The following FRYL variants were observed in gnomAD, a reference collection of about 807,000 sequenced individuals.
The protein encoded by FRYL is protein furry homolog-like.
Under a neutral mutation model 351.2 loss-of-function variants are expected in FRYL, and 150 were observed. The ratio of observed to expected loss-of-function variants is 0.43; its 90% CI spans 0.37 to 0.49. FRYL has a LOEUF of 0.49. Ranked by LOEUF, FRYL falls within the 20% of genes least tolerant of loss-of-function variation. The pLI, the probability that FRYL is intolerant of heterozygous loss-of-function variation, is 0.00. For missense variants in FRYL, 3,036 were observed against 3,619.3 expected (o/e 0.84, Z 4.13); for synonymous variants, 1,153 against 1,257.1 (o/e 0.92, Z 1.75).
chr4:48,576,153 G>A lies in FRYL; in HGVS notation c.2598C>T (p.Asn866=). ...CTGCACTGCAGCAAAGGATCAGATA[G>A]TTTCTCCACAGGCCAATGTATGAGT... ...SSDSYIGLWR[N]YLILCCSAAT... is the part of the protein sequence containing the mutation. Residue 866 remains asparagine (N), a synonymous_variant, in exon 24 of 64, where the codon AAC becomes AAT. Transcript: ENST00000358350. 1 of 1,613,744 alleles carries A rather than the reference G, an allele frequency of 6.2e-7. No individual in the cohort carries two copies. Among genetic ancestry groups the A allele is most frequent in the Non-Finnish European group, 8.5e-7 (1 of 1,179,904 alleles).
At chr4:48,548,854 T>C in intron 39 of FRYL, 61 bp from the exon 40 acceptor site, 1 of 949,590 alleles carries the variant, frequency 1.1e-6, no homozygotes, top group East Asian at 2.5e-5. Context: ...AGAGAGAATT[T>C]GGTACAAAAT....
intron 40 of FRYL, among the ~76,000 whole-genome samples, chr4:48,548,474 G>A (rs1352111438): frequency 6.6e-6 from 1 of 152,072 alleles, no homozygotes; most frequent in Non-Finnish European, 1.5e-5. Context: ...CATAAGATAG[G>A]AATAGGAATG....
intron 26 of FRYL, chr4:48,572,037 C>T (rs1208086769): frequency 1.0e-6 from 1 of 966,736 alleles, no homozygotes. Context: ...CTATCATGAC[C>T]CTACAGTGCT....
chr4:48,602,850 C>T (rs540974026), intron 12 of FRYL, among the ~76,000 whole-genome samples: 2 of 152,284 alleles, frequency 1.3e-5, no homozygotes, highest in East Asian at 3.9e-4. Context: ...TTTAGATACA[C>T]AAATATTATT....
intron 60 of FRYL, among the ~76,000 whole-genome samples, chr4:48,504,861 A>G (rs1720565323): frequency 6.6e-6 from 1 of 152,098 alleles, no homozygotes; most frequent in Non-Finnish European, 1.5e-5. Flanking sequence ...TAACCTAATA[A>G]TAGTATAACC....
chr4:48,640,360 A>T (rs994527783), intron 3 of FRYL, among the ~76,000 whole-genome samples: 1 of 152,212 alleles, frequency 6.6e-6, no homozygotes, highest in African/African-American at 2.4e-5. Context: ...ATGTAAAGAC[A>T]TGAAGGAATC....
intron 3 of FRYL, among the ~76,000 whole-genome samples, chr4:48,671,873 C>CAAAAAAAAAA (rs71191252): frequency 5.6e-4 from 29 of 51,856 alleles, no homozygotes; most frequent in Admixed American, 1.3e-3. Flanking sequence ...AAAAAAAAAA[C>CAAAAAAAAAA]AAAAAAAAAA....
At chr4:48,765,037 G>T (rs1774807427) in intron 1 of FRYL, among the ~76,000 whole-genome samples, 1 of 152,144 alleles carries the variant, frequency 6.6e-6, no homozygotes, top group Non-Finnish European at 1.5e-5. Flanking sequence ...TAGAGACGGG[G>T]TTTCACCATG....
At chr4:48,764,962 A>C (rs577614334) in intron 1 of FRYL, among the ~76,000 whole-genome samples, 1 of 152,270 alleles carries the variant, frequency 6.6e-6, no homozygotes, top group Non-Finnish European at 1.5e-5. Flanking sequence ...CTCCTGCCTC[A>C]GCTTCCCAAG....
chr4:48,589,793 C>T lies in FRYL; in HGVS notation c.1592G>A (p.Cys531Tyr). The change falls in exon 18 of 64, where the codon TGT becomes TAT. Residue 531 changes from cysteine to tyrosine, a missense_variant. Around this residue, in one of 7 missense-constraint regions of FRYL, gnomAD observed 78 missense variants for 106.6 expected, o/e 0.73. Coordinates refer to ENST00000358350, the MANE Select transcript of FRYL (RefSeq NM_015030.2). The part of the protein sequence containing the change: ...HLDKEVGRPM[C>Y]MTSVQMSNKE... ...ATTAGACATCTGCACACTGGTCATACACATTGGTCTCCCAACTTCTTTGTC... is the reference window on the plus strand; with the variant it reads ...ATTAGACATCTGCACACTGGTCATATACATTGGTCTCCCAACTTCTTTGTC... 2 of 1,613,834 alleles carry T rather than the reference C, an allele frequency of 1.2e-6. No homozygotes were observed. Among genetic ancestry groups the T allele is most frequent in the Admixed American group, 1.7e-5 (1 of 60,028 alleles).
At chr4:48,563,218 G>A (rs1367418113) in intron 31 of FRYL, among the ~76,000 whole-genome samples, 1 of 151,348 alleles carries the variant, frequency 6.6e-6, no homozygotes, top group African/African-American at 2.4e-5. Context: ...GGCTTCCCTG[G>A]GCCATATCAG....
At chr4:48,605,857 T>C in intron 10 of FRYL, 24 bp from the exon 11 acceptor site, 1 of 1,298,344 alleles carries the variant, frequency 7.7e-7, no homozygotes, top group Non-Finnish European at 1.1e-6. Flanking sequence ...AGGTATATAC[T>C]TAGATTAACA....
intron 3 of FRYL, 110 bp from the exon 4 acceptor site, chr4:48,634,600 C>A: frequency 1.5e-6 from 1 of 669,820 alleles, no homozygotes; most frequent in Non-Finnish European, 2.5e-6. Context: ...ACCAGTTCTC[C>A]CAATCTCCTC....
intron 1 of FRYL, among the ~76,000 whole-genome samples, chr4:48,766,639 A>G (rs575499786): frequency 9.2e-5 from 14 of 152,332 alleles, no homozygotes; most frequent in African/African-American, 3.1e-4. Context: ...CACAGGATGC[A>G]TCTCAAAACC....
At chr4:48,671,891 A>AAG (rs1762817692) in intron 3 of FRYL, among the ~76,000 whole-genome samples, 5 of 142,458 alleles carry the variant, frequency 3.5e-5, no homozygotes, top group African/African-American at 1.0e-4. Flanking sequence ...AAAAAAAAAA[A>AAG]GAAGGAAAGA....
chr4:48,661,224 G>A (rs1760646149), intron 3 of FRYL, among the ~76,000 whole-genome samples: 1 of 152,138 alleles, frequency 6.6e-6, no homozygotes, highest in South Asian at 2.1e-4. Flanking sequence ...TCATTTTCAA[G>A]ACTTCTACTT....
At chr4:48,584,277 C>T (rs986545985) in intron 19 of FRYL, among the ~76,000 whole-genome samples, 1 of 152,134 alleles carries the variant, frequency 6.6e-6, no homozygotes, top group Non-Finnish European at 1.5e-5. Flanking sequence ...CAATTATATG[C>T]TTGGGAAGCT....
chr4:48,646,462 C>A (rs929478021), intron 3 of FRYL, among the ~76,000 whole-genome samples: 1 of 152,214 alleles, frequency 6.6e-6, no homozygotes, highest in South Asian at 2.1e-4. Context: ...GATCTAAAAT[C>A]GTCAAAAATG....
Position 48,570,816 on chromosome 4 carries a change from C to A in FRYL, c.2996+11G>T. 6.3e-7 allele frequency: 1 copy of A among 1,581,168 alleles called. No homozygotes were observed. The highest frequency in any genetic ancestry group is 8.7e-7 in the Non-Finnish European group (1 of 1,150,086). ...ATTCCAGAGTTTTAACAATGTGAAT[C>A]CAATACTGACCTGTGACTAATGACA... On this transcript the variant is annotated intron_variant, in intron 27 of 63. Transcript: ENST00000358350.
Sources: allele counts gnomAD v4.1 joint callset (sites outside exome capture counted in the v4.1 genomes callset), GRCh38; gene constraint gnomAD v4.1.1; regional missense constraint gnomAD v4.1.1; transcripts MANE v1.5; gene names NCBI Gene and HGNC (gene_info 2026-07-23, HGNC 2026-07-21).